RIF1: variants seen among roughly 807,000 people sequenced by gnomAD.
RIF1 encodes the protein telomere-associated protein RIF1.
RIF1 carries 45 observed loss-of-function variants against 247.1 expected under a neutral mutation model. That is an observed-to-expected ratio of 0.18 (90% CI 0.14 to 0.23). The LOEUF (loss-of-function observed/expected upper bound fraction) is 0.23. Among genes scored for constraint, RIF1 ranks in the 10% least tolerant of loss-of-function variants. The pLI is 1.00. For missense variants in RIF1, 2,967 were observed against 2,862.5 expected (o/e 1.04, Z -0.83); for synonymous variants, 1,087 against 978.8 (o/e 1.11, Z -2.06).
intron 11 of RIF1, among the ~76,000 whole-genome samples, chr2:151,502,601 CTA>C (rs755374717): frequency 3.7e-4 from 57 of 152,014 alleles, no homozygotes; most frequent in Admixed American, 5.2e-4. Context: ...TGATAAATAT[CTA>C]TGTTTTAGAG....
At chr2:151,516,559 T>A in the RIF1 span, 1 of 1,600,684 alleles carries the variant, frequency 6.2e-7, no homozygotes, top group Non-Finnish European at 8.6e-7. Flanking sequence ...TTCTTTGTAT[T>A]TCACCTGGTG....
intron 22 of RIF1, among the ~76,000 whole-genome samples, chr2:151,456,228 A>G (rs1170968921): frequency 1.3e-5 from 2 of 152,228 alleles, no homozygotes; most frequent in Non-Finnish European, 2.9e-5. Context: ...AACAGATTTT[A>G]TAAAGTACGA....
the RIF1 span, among the ~76,000 whole-genome samples, chr2:151,517,814 G>A: frequency 6.6e-6 from 1 of 152,232 alleles, no homozygotes; most frequent in Non-Finnish European, 1.5e-5. Flanking sequence ...CCTGCATAGG[G>A]TAGCTCCATT....
intron 10 of RIF1, chr2:151,497,640 C>T: frequency 6.3e-7 from 1 of 1,576,742 alleles, no homozygotes; most frequent in Non-Finnish European, 8.6e-7. Flanking sequence ...CTAATATTTT[C>T]TTGATTGTGT....
At chr2:151,434,437 A>ATTTTTTTTT (rs754795986) in intron 10 of RIF1, among the ~76,000 whole-genome samples, 21 of 107,016 alleles carry the variant, frequency 2.0e-4, no homozygotes, top group Middle Eastern at 6.3e-3. Context: ...TGGTTTTTGA[A>ATTTTTTTTT]TTTTTTTTTT....
chr2:151,474,924 T>A lies in RIF1; in HGVS notation c.7272T>A (p.Leu2424=). Residue 2424 remains leucine (L), a synonymous_variant, in exon 36 of 36, where the codon CTT becomes CTA. Transcript: ENST00000444746. The stretch of plus-strand genomic sequence containing the variant: ...ACCTTCTGGCACAGATTAGTGCTCT[T>A]GCTCTTCAGCTGGATTCAGAAGATC... ...SKNLLAQISA[L]ALQLDSEDLH... is the part of the protein sequence containing the mutation. 6.2e-7 allele frequency: 1 copy of A among 1,609,530 alleles called. No homozygotes were observed. The highest frequency in any genetic ancestry group is 2.2e-5 in the East Asian group (1 of 44,802).
intron 10 of RIF1, chr2:151,496,858 A>G: frequency 7.2e-7 from 1 of 1,395,650 alleles, no homozygotes; most frequent in Non-Finnish European, 9.8e-7. Context: ...GTCTTTAGAA[A>G]ATAGGATTAA....
rs969631939 is a variant in RIF1 at position 151,496,976 on chromosome 2, C to T, written c.*513+1650C>T. ...TTTTCTTGATTGTGTTTGACTCTCT[C>T]CATCTCAGGAGTGACAGGTAGAGGG... On this transcript the variant is annotated intron_variant and NMD_transcript_variant, in intron 10 of 13. Transcript: ENST00000454583. 9 of 1,581,242 alleles carry T rather than the reference C, an allele frequency of 5.7e-6. No homozygotes were observed. Among genetic ancestry groups the T allele is most frequent in the African/African-American group, 1.3e-5 (1 of 74,342 alleles).
intron 9 of RIF1, chr2:151,493,132 T>C (rs1036882870): frequency 2.0e-6 from 1 of 495,206 alleles, no homozygotes; most frequent in African/African-American, 2.0e-5. Flanking sequence ...AGTATGATGG[T>C]TTGGAATGTA....
downstream of RIF1, chr2:151,486,029 A>G (rs533303342): frequency 7.8e-7 from 1 of 1,285,504 alleles, no homozygotes; most frequent in South Asian, 1.3e-5. Flanking sequence ...TGACTCCACA[A>G]ACTTAAGTTG....
chr2:151,445,860 ACTT>A (rs199763638), intron 19 of RIF1, among the ~76,000 whole-genome samples: 3,734 of 151,660 alleles, frequency 0.025, 56 homozygotes, highest in African/African-American at 0.039. Flanking sequence ...CTAAAATAAG[ACTT>A]CTTTATGACT....
intron 10 of RIF1, chr2:151,497,600 G>GTT: frequency 6.5e-7 from 1 of 1,547,852 alleles, no homozygotes; most frequent in Non-Finnish European, 8.7e-7. Context: ...TAAATAAGTA[G>GTT]TTTTTTTCTT....
intron 22 of RIF1, among the ~76,000 whole-genome samples, chr2:151,456,356 T>C (rs1378912111): frequency 1.3e-5 from 2 of 152,196 alleles, no homozygotes; most frequent in Admixed American, 6.5e-5. Context: ...TACTTTGAGG[T>C]TTATTGTAGA....
intron 18 of RIF1, among the ~76,000 whole-genome samples, chr2:151,444,355 G>A (rs1315086049): frequency 6.6e-6 from 1 of 152,170 alleles, no homozygotes; most frequent in African/African-American, 2.4e-5. Context: ...TGTCACCCAG[G>A]CTAGAGTACA....
intron 31 of RIF1, 45 bp from the exon 32 acceptor site, chr2:151,468,429 C>A: frequency 1.4e-6 from 2 of 1,431,074 alleles, no homozygotes; most frequent in South Asian, 2.3e-5. Context: ...AAATTATAGT[C>A]ATCTAGGGTT....
chr2:151,424,311 C>T (rs939428465), intron 8 of RIF1, among the ~76,000 whole-genome samples: 6 of 152,150 alleles, frequency 3.9e-5, no homozygotes, highest in Admixed American at 1.3e-4. Flanking sequence ...ACCATGTTGA[C>T]CAGGATGGTC....
rs1249653494 is a variant in RIF1, at chr2:151,440,109, T to G, written c.1629T>G (p.Phe543Leu). The change falls in exon 15 of 36, where the codon TTT (phenylalanine) becomes TTG (leucine). Residue 543 changes from phenylalanine (F) to leucine (L), a missense_variant. Coordinates refer to ENST00000444746, the MANE Select transcript of RIF1 (RefSeq NM_018151.5). ...SLESIVKSEV[F>L]PVSKTLVLME... Reference sequence around the variant, plus strand: ...AAAGCATAGTAAAGTCTGAAGTATTTCCTGTATCAAAAACGCTGGTAAGTA... The same window carrying G: ...AAAGCATAGTAAAGTCTGAAGTATTGCCTGTATCAAAAACGCTGGTAAGTA... 1.3e-6 allele frequency: 2 copies of G among 1,579,432 alleles called. No individual in the cohort carries two copies. The highest frequency in any genetic ancestry group is 3.5e-5 in the Admixed American group (2 of 56,446).
rs1402782127 is a variant in RIF1, at chr2:151,464,226, C to A, written c.4706C>A (p.Ser1569Tyr). 1.2e-6 allele frequency: 2 copies of A among 1,613,520 alleles called. No homozygotes were observed. The highest frequency in any genetic ancestry group is 1.7e-5 in the Admixed American group (1 of 59,944). ...GAAGAAGGTTCTAGGAAGAAGAGAT[C>A]TGGAAAATGGAAAAACAAAAGCAAT... The part of the protein sequence containing the change: ...AKEEGSRKKR[S>Y]GKWKNKSNES... Residue 1569 changes from serine to tyrosine, a missense_variant, in exon 30 of 36, where the codon TCT becomes TAT. Physicochemically the swap from Ser to Tyr is moderately radical, Grantham distance 144 (BLOSUM62 -2). Transcript: ENST00000444746.
At chr2:151,518,059 G>A in the RIF1 span, among the ~76,000 whole-genome samples, 10 of 152,010 alleles carry the variant, frequency 6.6e-5, no homozygotes, top group Non-Finnish European at 1.3e-4. Context: ...TACCATGAGG[G>A]GTTTGTCCCC....
Sources: gnomAD v4.1 joint callset for allele counts (sites outside exome capture counted in the v4.1 genomes callset) on GRCh38, gnomAD v4.1.1 for gene constraint, MANE v1.5 for transcripts, NCBI Gene and HGNC (gene_info 2026-07-23, HGNC 2026-07-21) for gene names.